The following TMEM214 variants were observed in gnomAD, a reference collection of about 807,000 sequenced individuals.
TMEM214 encodes transmembrane protein 214.
In TMEM214, 71 loss-of-function variants were observed where a neutral mutation model predicts 89.8. The ratio of observed to expected loss-of-function variants is 0.79; its 90% confidence interval spans 0.65 to 0.96. TMEM214 has a LOEUF of 0.96. TMEM214 is among the 40% of genes least tolerant of loss of function. The probability of loss-of-function intolerance (pLI) is 0.00; values close to 1 mark genes in which losing one functional copy is unlikely to be tolerated. For missense variants in TMEM214, 754 were observed against 843.4 expected, an observed-to-expected ratio of 0.89 and a Z score of 1.31; for synonymous variants, 332 against 349.5, an observed-to-expected ratio of 0.95 and a Z score of 0.56.
chr2:27,033,063 G>C lies in TMEM214; in HGVS notation c.48G>C (p.Lys16Asn). Residue 16 changes from lysine to asparagine, a missense_variant, in exon 1 of 17, where the codon AAG becomes AAC. Transcript: ENST00000238788. ...AGVGRWEVVKKGRRPGVGAGA... is the reference protein window; with the variant it reads ...AGVGRWEVVKNGRRPGVGAGA... ...TGGGGCGGTGGGAGGTAGTGAAGAA[G>C]GGTCGGCGGCCTGGGGTCGGCGCCG... The C allele has an allele frequency of 8.0e-7, 1 of 1,247,828 alleles. No individual in the cohort carries two copies. Among genetic ancestry groups the C allele is most frequent in the Non-Finnish European group, 1.0e-6 (1 of 988,058 alleles). The allele number at this position is 1,247,828 out of a possible 1,614,324, so 77.3% of individuals were successfully genotyped here. A position where few individuals can be genotyped will look rare whatever the true frequency, so the allele number is the denominator to read the frequency against.
intron 3 of TMEM214, 61 bp downstream of exon 3, chr2:27,035,346 T>C: frequency 6.2e-7 from 1 of 1,604,980 alleles, no homozygotes; most frequent in Non-Finnish European, 8.5e-7. Flanking sequence ...AAGGGTGGTA[T>C]AACAGATCCC....
chr2:27,036,159 T>A, intron 5 of TMEM214, 107 bp downstream of exon 5: 1 of 977,826 alleles, frequency 1.0e-6, no homozygotes, highest in Non-Finnish European at 1.6e-6. Flanking sequence ...CCTGTAAGCC[T>A]AGTAATAATG....
chr2:27,034,314 T>G, intron 2 of TMEM214, 48 bp downstream of exon 2: 2 of 1,593,808 alleles, frequency 1.3e-6, no homozygotes, highest in South Asian at 2.2e-5. Context: ...GGCTTGAGAT[T>G]TAGAGAAGAT....
At position 27,034,147 on chromosome 2, in the gene TMEM214, C is replaced by A. The variant is rs1667447403; in HGVS notation, c.232C>A (p.Pro78Thr). The A allele has an allele frequency of 6.2e-7, 1 of 1,614,000 alleles. No homozygotes were observed. Among genetic ancestry groups the A allele is most frequent in the African/African-American group, 1.3e-5 (1 of 74,898 alleles). Residue 78 changes from proline to threonine, a missense_variant, in exon 2 of 17, where the codon CCC (proline) becomes ACC (threonine). Pro to Thr is a conservative substitution (Grantham distance 38). Transcript: ENST00000238788. ...MKRQNKEQVP[P>T]PAVEPKKPGN... is the part of the protein sequence containing the mutation. ...GCGGCAGAATAAGGAGCAGGTCCCA[C>A]CCCCTGCTGTGGAACCTAAGAAACC...
Position 27,032,973 on chromosome 2 carries a change from C to G in TMEM214, c.-43C>G. The stretch of plus-strand genomic sequence containing the variant: ...CAGAGTGCGGCGCGCTCGCGCCGGA[C>G]CGGAAAGCCGGGGAAGTGGCCGAGG... On this transcript the variant is annotated 5_prime_UTR_variant, in exon 1 of 17. Coordinates refer to ENST00000238788, the MANE Select transcript of TMEM214 (RefSeq NM_017727.5). The G allele has an allele frequency of 8.0e-7, 1 of 1,243,416 alleles. No homozygotes were observed. The highest frequency in any genetic ancestry group is 1.0e-6 in the Non-Finnish European group (1 of 987,022). The allele number at this position is 1,243,416 out of a possible 1,614,324, so 77.0% of individuals were successfully genotyped here. A position where few individuals can be genotyped will look rare whatever the true frequency, so the allele number is the denominator to read the frequency against.
rs1302569666 is a variant in TMEM214, at chr2:27,039,856, G to A, written c.1622+19G>A. ...GCTACAGGTGAGCTCCTCCCAGGGA[G>A]GGGAGAGGAGAGGCAGAAGAGAGAA... On this transcript the variant is annotated intron_variant, in intron 14 of 16. Transcript: ENST00000238788. The A allele has an allele frequency of 1.2e-6, 2 of 1,612,084 alleles. No individual in the cohort carries two copies. The highest frequency in any genetic ancestry group is 8.5e-7 in the Non-Finnish European group (1 of 1,178,984).
chr2:27,035,866 G>A (rs1162912756), intron 4 of TMEM214, 104 bp from the exon 5 acceptor site: 3 of 1,573,564 alleles, frequency 1.9e-6, no homozygotes, highest in South Asian at 1.1e-5. Context: ...GAGGAAGTTA[G>A]GAGTCAGTGG....
Position 27,040,892 on chromosome 2 carries a change from C to T in TMEM214, c.*55C>T, listed in dbSNP as rs559351193. ...ATGGGTAGACCATCCAAGACTGCAG[C>T]GGGTAGAAGGTGGCAGTTCTTCATG... On this transcript the variant is annotated 3_prime_UTR_variant, in exon 17 of 17. Transcript: ENST00000238788. 13 of 1,589,752 alleles carry T rather than the reference C, an allele frequency of 8.2e-6. No individual in the cohort carries two copies. Among genetic ancestry groups the T allele is most frequent in the Middle Eastern group, 1.7e-4 (1 of 5,950 alleles).
At position 27,040,059 on chromosome 2, in the gene TMEM214, G is replaced by T. The variant is rs781267918; in HGVS notation, c.1652G>T (p.Gly551Val). 1 of 1,607,598 alleles carries T rather than the reference G, an allele frequency of 6.2e-7. No homozygotes were observed. Among genetic ancestry groups the T allele is most frequent in the Non-Finnish European group, 8.5e-7 (1 of 1,179,888 alleles). ...CTGGGGGAGACACTGCCGCTCTGGGGCTCCCACCTGCTCACCGTGGTGCGG... is the reference window on the plus strand; with the variant it reads ...CTGGGGGAGACACTGCCGCTCTGGGTCTCCCACCTGCTCACCGTGGTGCGG... ...SWLGETLPLW[G>V]SHLLTVVRPS... Residue 551 changes from glycine (G) to valine (V), a missense_variant, in exon 15 of 17, where the codon GGC (glycine) becomes GTC (valine). Coordinates refer to ENST00000238788, the MANE Select transcript of TMEM214 (RefSeq NM_017727.5).
At chr2:27,036,100 G>A (rs1195870846) in intron 5 of TMEM214, 48 bp downstream of exon 5, 9 of 1,575,668 alleles carry the variant, frequency 5.7e-6, no homozygotes, top group Admixed American at 1.7e-5. Context: ...GGACTGGGGA[G>A]GCTGGGCAGA....
intron 3 of TMEM214, 109 bp from the exon 4 acceptor site, chr2:27,035,485 C>T: frequency 1.3e-6 from 2 of 1,495,534 alleles, no homozygotes; most frequent in Non-Finnish European, 1.8e-6. Context: ...ATCCCAGCCT[C>T]AGTGCAGGGG....
chr2:27,036,965 G>C (rs1667592630), intron 7 of TMEM214, 112 bp from the exon 8 acceptor site: 1 of 1,128,110 alleles, frequency 8.9e-7, no homozygotes, highest in East Asian at 2.4e-5. Context: ...AGGGCTGGCA[G>C]ATGGGGTAGA....
At position 27,039,774 on chromosome 2, in the gene TMEM214, G is replaced by A. The variant is rs1182774182; in HGVS notation, c.1559G>A (p.Gly520Asp). ...SLTGRLLRSS[G>D]FLPASQQACA... ...ACTGGCCGGTTGCTTCGATCATCTGGCTTCTTACCTGCTAGCCAACAAGCG... is the reference window on the plus strand; with the variant it reads ...ACTGGCCGGTTGCTTCGATCATCTGACTTCTTACCTGCTAGCCAACAAGCG... Residue 520 changes from glycine to aspartate, a missense_variant, in exon 14 of 17, where the codon GGC becomes GAC. Transcript: ENST00000238788. 1 of 1,614,194 alleles carries A rather than the reference G, an allele frequency of 6.2e-7. No homozygotes were observed. Among genetic ancestry groups the A allele is most frequent in the South Asian group, 1.1e-5 (1 of 91,084 alleles).
In TMEM214 at chr2:27,038,698, A is replaced by G. The variant is rs1335177693; in HGVS notation, c.1294-4A>G. On this transcript the variant is annotated splice_polypyrimidine_tract_variant and splice_region_variant and intron_variant, in intron 11 of 16. Transcript: ENST00000238788. This position sits in a 1 kb window ranked among gnomAD's most constrained non-coding sequence, Gnocchi z 4.4. ...CTCACAGGCCAGACCTTTCTTGTCCATAGGTACAGAAGTCTTTGCAAGAAA... is the reference window on the plus strand; with the variant it reads ...CTCACAGGCCAGACCTTTCTTGTCCGTAGGTACAGAAGTCTTTGCAAGAAA... 1 of 1,613,772 alleles carries G rather than the reference A, an allele frequency of 6.2e-7. No individual in the cohort carries two copies. Among genetic ancestry groups the G allele is most frequent in the African/African-American group, 1.3e-5 (1 of 74,932 alleles).
At position 27,034,185 on chromosome 2, in the gene TMEM214, G is replaced by A. The variant is rs749444727; in HGVS notation, c.270G>A (p.Lys90=). The A allele has an allele frequency of 9.3e-6, 15 of 1,614,176 alleles. No individual in the cohort carries two copies. The highest frequency in any genetic ancestry group is 1.2e-5 in the Non-Finnish European group (14 of 1,180,036). ...AVEPKKPGNK[K]QPKKVATPPN... ...AACCTAAGAAACCAGGGAACAAGAA[G>A]CAGCCAAAGAAGGTGGCAACTCCTC... Residue 90 remains lysine, a synonymous_variant, in exon 2 of 17, where the codon AAG becomes AAA. Transcript: ENST00000238788.
At position 27,038,177 on chromosome 2, in the gene TMEM214, T is replaced by C. The variant is rs1282624801; in HGVS notation, c.1184T>C (p.Val395Ala). 6.2e-7 allele frequency: 1 copy of C among 1,614,104 alleles called. No individual in the cohort carries two copies. Among genetic ancestry groups the C allele is most frequent in the East Asian group, 2.2e-5 (1 of 44,872 alleles). Residue 395 changes from valine (V) to alanine (A), a missense_variant, in exon 10 of 17, where the codon GTG (valine) becomes GCG (alanine). Coordinates refer to ENST00000238788, the MANE Select transcript of TMEM214 (RefSeq NM_017727.5). This position sits in a 1 kb window ranked among gnomAD's most constrained non-coding sequence, Gnocchi z 4.4. ...LLSSLTECLT[V>A]DPLSASVWRQ... ...AGCAGCCTGACTGAGTGCCTGACGG[T>C]GGACCCCCTCAGTGCCAGCGTCTGG...
At chr2:27,034,859 C>G (rs1192726984) in intron 2 of TMEM214, among the ~76,000 whole-genome samples, 1 of 152,176 alleles carries the variant, frequency 6.6e-6, no homozygotes, top group Non-Finnish European at 1.5e-5. Flanking sequence ...GCTGGGATTA[C>G]AGGCGTGAGC....
Position 27,040,356 on chromosome 2 carries a change from G to T in TMEM214, c.1803G>T (p.Gln601His). ...TCTCCATGGTCCAGCTACAGATCCAGCTCCCCGATTCCGTGAATCAGCTAC... is the reference window on the plus strand; with the variant it reads ...TCTCCATGGTCCAGCTACAGATCCATCTCCCCGATTCCGTGAATCAGCTAC... ...LTSLSQRLQI[Q>H]LPDSVNQLLR... Residue 601 changes from glutamine to histidine, a missense_variant, in exon 16 of 17, where the codon CAG (glutamine) becomes CAT (histidine). By Grantham distance (24) the Gln-to-His change is conservative (BLOSUM62 0). Coordinates refer to ENST00000238788, the MANE Select transcript of TMEM214 (RefSeq NM_017727.5). 6.2e-7 allele frequency: 1 copy of T among 1,614,170 alleles called. No homozygotes were observed.
In TMEM214 at chr2:27,040,099, G is replaced by A. The variant is rs1286488873; in HGVS notation, c.1692G>A (p.Leu564=). 3.1e-6 allele frequency: 5 copies of A among 1,609,194 alleles called. No individual in the cohort carries two copies. In the African/African-American group the frequency reaches 5.3e-5, roughly 17 times the overall value. The change falls in exon 15 of 17, where the codon CTG becomes CTA. Residue 564 remains leucine, a synonymous_variant. Coordinates refer to ENST00000238788, the MANE Select transcript of TMEM214 (RefSeq NM_017727.5). ...LLTVVRPSLQ[L]AWAHTNATVS... ...CCGTGGTGCGGCCCAGCTTGCAGCT[G>A]GCCTGGGCTCACACCAATGCCACAG...
Sources: gnomAD v4.1 joint callset for allele counts (sites outside exome capture counted in the v4.1 genomes callset) on GRCh38, gnomAD v4.1.1 for gene constraint, Gnocchi (gnomAD v3.1) non-coding constraint, MANE v1.5 for transcripts, NCBI Gene and HGNC (gene_info 2026-07-23, HGNC 2026-07-21) for gene names.